Variants in USH2A observed in about 807,000 individuals in gnomAD.
USH2A encodes Usher syndrome 2A (autosomal recessive, mild).
Under a neutral mutation model 538.9 loss-of-function variants are expected in USH2A, and 443 were observed. That is an observed-to-expected ratio of 0.82 (90% CI 0.76 to 0.89). The LOEUF (loss-of-function observed/expected upper bound fraction) is 0.89. Ranked by LOEUF, USH2A falls within the 40% of genes least tolerant of loss-of-function variation. The pLI is 0.00. For missense variants in USH2A, 6,633 were observed against 6,324.8 expected, an observed-to-expected ratio of 1.05 and a Z score of -1.65; for synonymous variants, 2,413 against 2,273.5, an observed-to-expected ratio of 1.06 and a Z score of -1.75.
chr1:215,956,524 T>C (rs1667072652), intron 37 of USH2A, among the ~76,000 whole-genome samples: 1 of 152,154 alleles, frequency 6.6e-6, no homozygotes, highest in Admixed American at 6.5e-5. Flanking sequence ...GGAGTTAGAA[T>C]GGAGAGATTC....
chr1:216,388,195 A>C (rs2039037578), intron 3 of USH2A, among the ~76,000 whole-genome samples: 1 of 152,236 alleles, frequency 6.6e-6, no homozygotes, highest in Admixed American at 6.5e-5. Context: ...CATGTAAGAC[A>C]AGAGCATCTG....
At chr1:216,089,409 T>A (rs926269228) in intron 22 of USH2A, among the ~76,000 whole-genome samples, 1 of 152,108 alleles carries the variant, frequency 6.6e-6, no homozygotes, top group Non-Finnish European at 1.5e-5. Flanking sequence ...TCACTTGCAT[T>A]TTCTGATGAA....
chr1:215,833,759 T>C lies in USH2A; in HGVS notation c.9371+4232A>G, dbSNP rs77762370. On this transcript the variant is annotated intron_variant, in intron 47 of 71. Transcript: ENST00000307340. Reference sequence around the variant, plus strand: ...CACAAATAAGATAATTGAAAACAAATCATAAGGTAGAGAAGAAATATCTGT... The same window carrying C: ...CACAAATAAGATAATTGAAAACAAACCATAAGGTAGAGAAGAAATATCTGT... 2.4e-4 allele frequency among the ~76,000 whole-genome samples: 37 copies of C among 151,996 alleles called. No homozygotes were observed. In the East Asian group the frequency reaches 4.6e-3, roughly 19 times the overall value.
chr1:215,742,047 T>C lies in USH2A; in HGVS notation c.11549-510A>G, dbSNP rs150425022. ...CACGGAGATGCAGACGTTGACTTTGTACTTGAGTCAAGAAAACATTAATTT... is the reference window on the plus strand; with the variant it reads ...CACGGAGATGCAGACGTTGACTTTGCACTTGAGTCAAGAAAACATTAATTT... On this transcript the variant is annotated intron_variant, in intron 59 of 71. Coordinates refer to ENST00000307340, the MANE Select transcript of USH2A (RefSeq NM_206933.4). Among the ~76,000 whole-genome samples, 1,464 of 152,330 alleles carry C rather than the reference T, an allele frequency of 9.6e-3. 22 individuals carry two copies. The highest frequency in any genetic ancestry group is 0.01 in the Non-Finnish European group (694 of 68,024).
chr1:215,897,941 A>G (rs984087398), intron 40 of USH2A, among the ~76,000 whole-genome samples: 1 of 152,196 alleles, frequency 6.6e-6, no homozygotes, highest in African/African-American at 2.4e-5. Flanking sequence ...GCCTTGACAG[A>G]AAAACTGCTT....
At chr1:216,352,749 T>A (rs538830698) in intron 4 of USH2A, among the ~76,000 whole-genome samples, 1 of 152,144 alleles carries the variant, frequency 6.6e-6, no homozygotes, top group Non-Finnish European at 1.5e-5. Context: ...CAAGATATTC[T>A]TGGTCAGATC....
At chr1:215,784,282 G>A (rs756290929) in intron 52 of USH2A, among the ~76,000 whole-genome samples, 5 of 152,082 alleles carry the variant, frequency 3.3e-5, no homozygotes, top group Non-Finnish European at 5.9e-5. Flanking sequence ...GCATACCTTC[G>A]GTTGCCATTC....
chr1:215,679,045 C>A (rs963846081), intron 62 of USH2A, among the ~76,000 whole-genome samples: 1 of 152,112 alleles, frequency 6.6e-6, no homozygotes, highest in African/African-American at 2.4e-5. Flanking sequence ...GCCTCTTGCC[C>A]CAGGGGGGAG....
intron 69 of USH2A, among the ~76,000 whole-genome samples, chr1:215,636,400 C>T (rs1656491825): frequency 6.6e-6 from 1 of 152,214 alleles, no homozygotes; most frequent in South Asian, 2.1e-4. Flanking sequence ...ATGTTGGACT[C>T]TGACCTTTGC....
chr1:215,900,031 C>G (rs756664862), intron 40 of USH2A, 44 bp downstream of exon 40: 1 of 1,612,678 alleles, frequency 6.2e-7, no homozygotes, highest in African/African-American at 1.3e-5. Flanking sequence ...TTTTAAGCTC[C>G]CTATGTAGAA....
intron 56 of USH2A, among the ~76,000 whole-genome samples, chr1:215,762,614 A>G (rs567619968): frequency 2.6e-5 from 4 of 152,194 alleles, no homozygotes; most frequent in Non-Finnish European, 4.4e-5. Flanking sequence ...GGACATCGTT[A>G]TCTTGGCAGC....
At chr1:216,130,380 G>C (rs1289001977) in intron 21 of USH2A, among the ~76,000 whole-genome samples, 1 of 151,416 alleles carries the variant, frequency 6.6e-6, no homozygotes, top group East Asian at 1.9e-4. Flanking sequence ...TCATAACTTA[G>C]CTCCCACTTT....
intron 38 of USH2A, among the ~76,000 whole-genome samples, chr1:215,932,807 C>T (rs376508225): frequency 4.6e-5 from 7 of 152,056 alleles, no homozygotes; most frequent in African/African-American, 1.4e-4. Flanking sequence ...TGAAGATAAG[C>T]CTCAGTTAAT....
intron 55 of USH2A, among the ~76,000 whole-genome samples, chr1:215,768,772 A>G (rs945766711): frequency 1.3e-5 from 2 of 152,158 alleles, no homozygotes; most frequent in African/African-American, 4.8e-5. Context: ...TTTACCGACA[A>G]AAAGGGGTCT....
chr1:216,066,705 A>T (rs1244133261), intron 30 of USH2A, among the ~76,000 whole-genome samples: 1 of 152,190 alleles, frequency 6.6e-6, no homozygotes, highest in East Asian at 1.9e-4. Flanking sequence ...ATTTTAAAGC[A>T]AACAGAGGTT....
intron 38 of USH2A, among the ~76,000 whole-genome samples, chr1:215,905,314 C>T (rs1558154131): frequency 6.6e-6 from 1 of 151,932 alleles, no homozygotes; most frequent in African/African-American, 2.4e-5. Flanking sequence ...TGTTTTTTGC[C>T]TGTGTGTGTG....
intron 30 of USH2A, among the ~76,000 whole-genome samples, chr1:216,057,833 T>G (rs2031032284): frequency 6.6e-6 from 1 of 152,232 alleles, no homozygotes; most frequent in African/African-American, 2.4e-5. Context: ...GTGGCAAAGA[T>G]TACTAATTGC....
At chr1:216,066,704 C>A (rs1001012193) in intron 30 of USH2A, among the ~76,000 whole-genome samples, 1 of 152,114 alleles carries the variant, frequency 6.6e-6, no homozygotes, top group Non-Finnish European at 1.5e-5. Context: ...GATTTTAAAG[C>A]AAACAGAGGT....
Position 215,888,894 on chromosome 1 carries a change from G to A in USH2A, c.7755C>T (p.Cys2585=), listed in dbSNP as rs781131933. The change falls in exon 41 of 72, where the codon TGC becomes TGT. Residue 2585 remains cysteine, a synonymous_variant. Coordinates refer to ENST00000307340, the MANE Select transcript of USH2A (RefSeq NM_206933.4). ...TGTATGGGTGTAAATGCATCACTGT[G>A]CAATTAGTGACATTTCCAGGAGTTC... ...YLRTPGNVTN[C]TVMHLHPYTA... 3 of 1,614,096 alleles carry A rather than the reference G, an allele frequency of 1.9e-6. No homozygotes were observed. The South Asian group carries it at 3.3e-5, about 18-fold the overall frequency.
Sources: gnomAD v4.1 joint callset for allele counts (sites outside exome capture counted in the v4.1 genomes callset) on GRCh38, gnomAD v4.1.1 for gene constraint, MANE v1.5 for transcripts, NCBI Gene and HGNC (gene_info 2026-07-23, HGNC 2026-07-21) for gene names.